LRRTM4: variants seen among roughly 807,000 people sequenced by gnomAD.
LRRTM4 encodes the protein leucine rich repeat transmembrane neuronal 4, also known as leucine-rich repeat transmembrane neuronal protein 4.
In LRRTM4, 25 loss-of-function variants were observed where a neutral mutation model predicts 47.6. The observed-to-expected ratio is 0.53, with a 90% CI of 0.38 to 0.73. LRRTM4 has a LOEUF of 0.73. Ranked by LOEUF, LRRTM4 falls within the 30% of genes least tolerant of loss-of-function variation. The pLI is 0.00. For synonymous variants in LRRTM4, 311 were observed against 269.5 expected, an observed-to-expected ratio of 1.15 and a Z score of -1.51; for missense variants, 638 against 713.4, an observed-to-expected ratio of 0.89 and a Z score of 1.20.
chr2:76,896,005 A>G (rs947219180), intron 3 of LRRTM4, among the ~76,000 whole-genome samples: 2 of 152,120 alleles, frequency 1.3e-5, no homozygotes, highest in Non-Finnish European at 2.9e-5. Context: ...TACTGTGTGT[A>G]TGAACACAGG....
chr2:76,917,532 G>T (rs1429401427), intron 3 of LRRTM4, among the ~76,000 whole-genome samples: 1 of 152,072 alleles, frequency 6.6e-6, no homozygotes, highest in Admixed American at 6.5e-5. Flanking sequence ...GGTGTTTGGG[G>T]TTTCTTAATG....
At chr2:77,153,842 T>C (rs1474062680) in intron 3 of LRRTM4, among the ~76,000 whole-genome samples, 3 of 152,152 alleles carry the variant, frequency 2.0e-5, no homozygotes, top group Non-Finnish European at 2.9e-5. Flanking sequence ...ATTTAAAGAG[T>C]GTAACTTTTG....
At chr2:77,486,255 A>C (rs919558550) in intron 3 of LRRTM4, among the ~76,000 whole-genome samples, 6 of 152,226 alleles carry the variant, frequency 3.9e-5, no homozygotes, top group Non-Finnish European at 8.8e-5. Flanking sequence ...GGAAGCTAAC[A>C]ATATATTAAC....
rs1353743986 is a variant in LRRTM4 at position 77,407,847 on chromosome 2, T to C, written c.1551+110471A>G. Among the ~76,000 whole-genome samples, 3 of 150,692 alleles carry C rather than the reference T, an allele frequency of 2.0e-5. No individual in the cohort carries two copies. The Admixed American group carries it at 2.0e-4, about 10-fold the overall frequency. Reference sequence around the variant, plus strand: ...TGTCTCCAACTGTCTGTTAACAGTCTTGCTCAGGTCATGTTTGAACTTTTT... The same window carrying C: ...TGTCTCCAACTGTCTGTTAACAGTCCTGCTCAGGTCATGTTTGAACTTTTT... On this transcript the variant is annotated intron_variant, in intron 3 of 3. Transcript: ENST00000409884.
chr2:76,855,967 C>T (rs1672136804), intron 3 of LRRTM4, among the ~76,000 whole-genome samples: 1 of 152,138 alleles, frequency 6.6e-6, no homozygotes, highest in Non-Finnish European at 1.5e-5. Flanking sequence ...GACAGTCAGT[C>T]ACTCTGGCAT....
At position 77,151,404 on chromosome 2, in the gene LRRTM4, A is replaced by C. The variant is rs144293242; in HGVS notation, c.1551+366914T>G. Among the ~76,000 whole-genome samples the C allele has an allele frequency of 3.3e-5, 5 of 152,292 alleles. No individual in the cohort carries two copies. In the East Asian group the frequency reaches 5.8e-4, roughly 18 times the overall value. On this transcript the variant is annotated intron_variant, in intron 3 of 3. Coordinates refer to ENST00000409884, the MANE Select transcript of LRRTM4 (RefSeq NM_001134745.3). Reference sequence around the variant, plus strand: ...TTGACCATGATAGATGCCTCATATAATTGGAATAATGCAATATTATCTAAC... The same window carrying C: ...TTGACCATGATAGATGCCTCATATACTTGGAATAATGCAATATTATCTAAC...
chr2:77,245,623 C>CT lies in LRRTM4; in HGVS notation c.1551+272694dup, dbSNP rs397731625. ...AAACAGCTAGGATTCACTTTAAACA[C>CT]TTTTTTTTTGTGATACCTTCTAGTG... On this transcript the variant is annotated intron_variant, in intron 3 of 3. Transcript: ENST00000409884. Among the ~76,000 whole-genome samples, 1,405 of 149,070 alleles carry CT rather than the reference C, an allele frequency of 9.4e-3. 25 individuals are homozygous for CT. The highest frequency in any genetic ancestry group is 0.031 in the African/African-American group (1,258 of 40,704).
At chr2:76,828,610 A>G (rs915740055) in intron 3 of LRRTM4, among the ~76,000 whole-genome samples, 6 of 152,012 alleles carry the variant, frequency 3.9e-5, no homozygotes, top group African/African-American at 1.2e-4. Flanking sequence ...TGTGGGTGAC[A>G]TGAATGCTAG....
At chr2:77,398,953 G>T (rs965916893) in intron 3 of LRRTM4, among the ~76,000 whole-genome samples, 1 of 151,676 alleles carries the variant, frequency 6.6e-6, no homozygotes, top group Non-Finnish European at 1.5e-5. Flanking sequence ...GTTGGTAGGG[G>T]GAAGGTAGAT....
At chr2:77,159,592 A>G (rs1558610882) in intron 3 of LRRTM4, among the ~76,000 whole-genome samples, 1 of 151,990 alleles carries the variant, frequency 6.6e-6, no homozygotes, top group African/African-American at 2.4e-5. Flanking sequence ...CATTAAATGA[A>G]AGGGGATCAT....
intron 3 of LRRTM4, among the ~76,000 whole-genome samples, chr2:77,255,899 AG>A (rs1675752498): frequency 6.6e-6 from 1 of 152,090 alleles, no homozygotes; most frequent in South Asian, 2.1e-4. Context: ...AGTATTAAGA[AG>A]GAAGAAAATA....
At chr2:77,332,031 T>C (rs1670990076) in intron 3 of LRRTM4, among the ~76,000 whole-genome samples, 1 of 152,170 alleles carries the variant, frequency 6.6e-6, no homozygotes, top group Non-Finnish European at 1.5e-5. Context: ...ACAGATATTA[T>C]CATAAATAAT....
intron 3 of LRRTM4, among the ~76,000 whole-genome samples, chr2:77,207,374 C>T (rs1659693): frequency 9.8e-4 from 77 of 78,184 alleles, no homozygotes; most frequent in African/African-American, 4.4e-3. Context: ...TATATATATA[C>T]ACACACACAT....
rs1335162908 is a variant in LRRTM4 at position 76,909,510 on chromosome 2, A to C, written c.1552-160594T>G. On this transcript the variant is annotated intron_variant, in intron 3 of 3. Coordinates refer to ENST00000409884, the MANE Select transcript of LRRTM4 (RefSeq NM_001134745.3). The stretch of plus-strand genomic sequence containing the variant: ...TTGACAAATGGGATCTCATTAAACT[A>C]AAGAGCTTCTGCACAGCAAAAGAAA... 4.6e-5 allele frequency among the ~76,000 whole-genome samples: 7 copies of C among 152,152 alleles called. No homozygotes were observed. In the East Asian group the frequency reaches 1.2e-3, roughly 25 times the overall value.
Position 76,954,474 on chromosome 2 carries a change from G to T in LRRTM4, c.1552-205558C>A, listed in dbSNP as rs1675604059. 2.6e-5 allele frequency among the ~76,000 whole-genome samples: 4 copies of T among 151,362 alleles called. No homozygotes were observed. The South Asian group carries it at 6.2e-4, about 24-fold the overall frequency. Reference sequence around the variant, plus strand: ...AAGAAATCAACAGACTTGAAGATAGGTCATTTGAAATTATCCAGCCTGAGA... The same window carrying T: ...AAGAAATCAACAGACTTGAAGATAGTTCATTTGAAATTATCCAGCCTGAGA... On this transcript the variant is annotated intron_variant, in intron 3 of 3. Coordinates refer to ENST00000409884, the MANE Select transcript of LRRTM4 (RefSeq NM_001134745.3).
intron 3 of LRRTM4, among the ~76,000 whole-genome samples, chr2:76,789,329 T>C (rs1467066738): frequency 2.0e-5 from 3 of 152,190 alleles, no homozygotes; most frequent in Non-Finnish European, 4.4e-5. Flanking sequence ...TCCACTTCCA[T>C]GTTCCATACC....
At chr2:77,283,036 C>T (rs1264297574) in intron 3 of LRRTM4, among the ~76,000 whole-genome samples, 1 of 151,956 alleles carries the variant, frequency 6.6e-6, no homozygotes, top group African/African-American at 2.4e-5. Flanking sequence ...ACAGAGTAAA[C>T]AGACAACCTA....
At chr2:76,787,253 A>G (rs1350927738) in intron 3 of LRRTM4, among the ~76,000 whole-genome samples, 1 of 152,166 alleles carries the variant, frequency 6.6e-6, no homozygotes, top group African/African-American at 2.4e-5. Context: ...TACTCCAGAA[A>G]TAATTTAGAA....
chr2:76,933,868 A>G (rs1674854482), intron 3 of LRRTM4, among the ~76,000 whole-genome samples: 1 of 152,178 alleles, frequency 6.6e-6, no homozygotes, highest in South Asian at 2.1e-4. Flanking sequence ...GGAAAAGTTG[A>G]TAATTTAACC....
Sources: allele counts gnomAD v4.1 joint callset (sites outside exome capture counted in the v4.1 genomes callset), GRCh38; gene constraint gnomAD v4.1.1; transcripts MANE v1.5; gene names NCBI Gene and HGNC (gene_info 2026-07-23, HGNC 2026-07-21).